The following CDH23 variants were observed in gnomAD, a reference collection of about 807,000 sequenced individuals.
The protein encoded by CDH23 is cadherin-23.
CDH23 carries 189 observed loss-of-function variants against 317.1 expected under a neutral mutation model. The observed-to-expected ratio is 0.60, with a 90% CI of 0.53 to 0.67. The LOEUF (loss-of-function observed/expected upper bound fraction) is 0.67. CDH23 is among the 30% of genes least tolerant of loss of function. The probability of loss-of-function intolerance (pLI) is 0.00; values close to 1 mark genes in which losing one functional copy is unlikely to be tolerated. For synonymous variants in CDH23, 1,839 were observed against 1,876.8 expected (o/e 0.98, Z 0.52); for missense variants, 4,401 against 4,592.4 (o/e 0.96, Z 1.20).
chr10:71,515,699 G>T (rs1249458527), intron 6 of CDH23, among the ~76,000 whole-genome samples: 1 of 152,182 alleles, frequency 6.6e-6, no homozygotes, highest in Non-Finnish European at 1.5e-5. Flanking sequence ...TTATCTGTAA[G>T]ATGAGCAACA....
chr10:71,449,316 C>T (rs541203607), intron 3 of CDH23, among the ~76,000 whole-genome samples: 2 of 152,144 alleles, frequency 1.3e-5, no homozygotes, highest in African/African-American at 2.4e-5. Context: ...GATCAAACTT[C>T]CAGCTCGAGG....
At chr10:71,778,116 C>T (rs748333289) in intron 39 of CDH23, 73 bp from the exon 40 acceptor site, 1 of 1,587,938 alleles carries the variant, frequency 6.3e-7, no homozygotes. Flanking sequence ...GGGCCTACTT[C>T]CCAAATTGGT....
intron 27 of CDH23, 55 bp downstream of exon 27, chr10:71,709,266 G>T: frequency 6.6e-7 from 1 of 1,517,206 alleles, no homozygotes; most frequent in Non-Finnish European, 9.1e-7. Context: ...GTTCACACAG[G>T]GTGCCTCCCA....
intron 36 of CDH23, 100 bp downstream of exon 36, chr10:71,739,872 G>A: frequency 7.4e-7 from 1 of 1,354,424 alleles, no homozygotes; most frequent in Non-Finnish European, 9.9e-7. Flanking sequence ...AGCACACTCT[G>A]GTGGTCAGTG....
intron 24 of CDH23, among the ~76,000 whole-genome samples, chr10:71,704,003 C>G (rs1264932097): frequency 1.3e-5 from 2 of 152,206 alleles, no homozygotes; most frequent in African/African-American, 4.8e-5. Flanking sequence ...CTGGTCCCAC[C>G]TAGGACCTCA....
intron 9 of CDH23, among the ~76,000 whole-genome samples, chr10:71,590,873 T>TAAAAAAAA (rs71018215): frequency 1.4e-5 from 1 of 72,308 alleles, no homozygotes; most frequent in Non-Finnish European, 2.7e-5. Context: ...ACCCTGTCTC[T>TAAAAAAAA]AAAAAAAAAA....
chr10:71,702,245 A>C (rs1213228865), intron 23 of CDH23, 34 bp downstream of exon 23: 1 of 1,598,424 alleles, frequency 6.3e-7, no homozygotes, highest in Non-Finnish European at 8.6e-7. Context: ...CGGCCCCCAC[A>C]CCTTAGGCTG....
At chr10:71,505,490 CT>C (rs146521507) in intron 3 of CDH23, among the ~76,000 whole-genome samples, 2,518 of 152,302 alleles carry the variant, frequency 0.017, 58 homozygotes, top group African/African-American at 0.054. Flanking sequence ...GCGAGCTCCG[CT>C]TACTGGGGCA....
At chr10:71,759,854 C>CACACACACATATAT (rs1482468493) in intron 38 of CDH23, among the ~76,000 whole-genome samples, 9 of 109,310 alleles carry the variant, frequency 8.2e-5, no homozygotes, top group African/African-American at 2.2e-4. Flanking sequence ...CACATATACA[C>CACACACACATATAT]ACACACACAC....
intron 38 of CDH23, among the ~76,000 whole-genome samples, chr10:71,774,451 C>T (rs1055387331): frequency 3.3e-5 from 5 of 152,172 alleles, no homozygotes; most frequent in African/African-American, 1.2e-4. Flanking sequence ...CCTTACTGTC[C>T]ACACCCCCTT....
chr10:71,481,106 A>C (rs1482890093), intron 3 of CDH23, among the ~76,000 whole-genome samples: 3 of 152,076 alleles, frequency 2.0e-5, no homozygotes, highest in Non-Finnish European at 4.4e-5. Flanking sequence ...GGGGAGCCCC[A>C]TTTCCCGTTG....
intron 8 of CDH23, among the ~76,000 whole-genome samples, chr10:71,574,015 T>C (rs1190181603): frequency 6.6e-6 from 1 of 152,168 alleles, no homozygotes; most frequent in Non-Finnish European, 1.5e-5. Flanking sequence ...CATGTCCCTT[T>C]ACAGTGTAGA....
At chr10:71,753,218 C>T (rs1448541564) in intron 38 of CDH23, among the ~76,000 whole-genome samples, 2 of 152,230 alleles carry the variant, frequency 1.3e-5, no homozygotes, top group Admixed American at 6.5e-5. Flanking sequence ...CCCATTTTGA[C>T]GACTGATAAA....
At chr10:71,638,859 A>AC (rs1449275537) in intron 11 of CDH23, among the ~76,000 whole-genome samples, 1 of 151,726 alleles carries the variant, frequency 6.6e-6, no homozygotes, top group Non-Finnish European at 1.5e-5. Context: ...TCTCAAAGCT[A>AC]CCCCCCACTT....
chr10:71,439,759 G>A (rs1849785341), intron 1 of CDH23, 68 bp from the exon 2 acceptor site: 5 of 1,151,246 alleles, frequency 4.3e-6, no homozygotes, highest in African/African-American at 1.6e-5. Flanking sequence ...GAGGTGGGAG[G>A]GGCTGAGGAG....
In CDH23 at chr10:71,603,595, G is replaced by A. The variant is rs542118137; in HGVS notation, c.833-11909G>A. Among the ~76,000 whole-genome samples, 11 of 152,256 alleles carry A rather than the reference G, an allele frequency of 7.2e-5. No homozygotes were observed. The South Asian group carries it at 1.9e-3, about 26-fold the overall frequency. Reference sequence around the variant, plus strand: ...CCTGCCCCAGGCCCCGGAGGTAACCGGGTGCCAAGCAGGCAGCAGGGGGGG... The same window carrying A: ...CCTGCCCCAGGCCCCGGAGGTAACCAGGTGCCAAGCAGGCAGCAGGGGGGG... On this transcript the variant is annotated intron_variant, in intron 9 of 69. Coordinates refer to ENST00000224721, the MANE Select transcript of CDH23 (RefSeq NM_022124.6).
chr10:71,807,794 G>A lies in CDH23; in HGVS notation c.8560+27G>A, dbSNP rs775869174. 1.9e-6 allele frequency: 3 copies of A among 1,583,700 alleles called. No homozygotes were observed. In the Admixed American group the frequency reaches 5.4e-5, roughly 29 times the overall value. The stretch of plus-strand genomic sequence containing the variant: ...TGCAGGGACTGGAGCCTGGGCACGA[G>A]GTGTGGGGTGGCCCCTGCCCTGCCA... On this transcript the variant is annotated intron_variant, in intron 59 of 69. Transcript: ENST00000224721.
intron 6 of CDH23, among the ~76,000 whole-genome samples, chr10:71,526,973 G>C (rs1388144179): frequency 6.6e-6 from 1 of 152,134 alleles, no homozygotes; most frequent in African/African-American, 2.4e-5. Flanking sequence ...CATGTGGCCG[G>C]GGTTCTCAGA....
chr10:71,762,577 C>A (rs1271660359), intron 38 of CDH23, among the ~76,000 whole-genome samples: 1 of 152,264 alleles, frequency 6.6e-6, no homozygotes, highest in Non-Finnish European at 1.5e-5. Flanking sequence ...GGCCTGCATT[C>A]CCGACAGCAG....
Sources: allele counts gnomAD v4.1 joint callset (sites outside exome capture counted in the v4.1 genomes callset), GRCh38; gene constraint gnomAD v4.1.1; transcripts MANE v1.5; gene names NCBI Gene and HGNC (gene_info 2026-07-23, HGNC 2026-07-21).